AFG2A: variants seen among roughly 807,000 people sequenced by gnomAD.
The protein encoded by AFG2A is AAA ATPase AFG2A, also known as ATPase family gene 2 protein homolog A.
the AFG2A span, among the ~76,000 whole-genome samples, chr4:123,304,532 A>T: frequency 6.6e-6 from 1 of 152,218 alleles, no homozygotes; most frequent in Non-Finnish European, 1.5e-5. Flanking sequence ...CGGCTGCACC[A>T]CAATCATCGC....
At chr4:123,130,515 T>C in the AFG2A span, among the ~76,000 whole-genome samples, 1 of 152,134 alleles carries the variant, frequency 6.6e-6, no homozygotes, top group African/African-American at 2.4e-5. Flanking sequence ...AATGTAATCA[T>C]GCACATGTCA....
At chr4:122,984,616 G>A in the AFG2A span, among the ~76,000 whole-genome samples, 122 of 152,206 alleles carry the variant, frequency 8.0e-4, 4 homozygotes, top group East Asian at 0.02. Flanking sequence ...TTACATTAAG[G>A]TATGTCCCAT....
At chr4:123,261,252 A>C in the AFG2A span, among the ~76,000 whole-genome samples, 2 of 152,138 alleles carry the variant, frequency 1.3e-5, no homozygotes, top group Admixed American at 6.5e-5. Flanking sequence ...TATATTTGAG[A>C]TCTTCTTTGC....
the AFG2A span, among the ~76,000 whole-genome samples, chr4:123,035,760 ATAAC>A: frequency 6.6e-6 from 1 of 152,122 alleles, no homozygotes; most frequent in Non-Finnish European, 1.5e-5. Flanking sequence ...TATTCCATAA[ATAAC>A]ATTTATCTAA....
the AFG2A span, among the ~76,000 whole-genome samples, chr4:123,080,304 C>T: frequency 6.6e-6 from 1 of 152,254 alleles, no homozygotes; most frequent in East Asian, 1.9e-4. Context: ...TCTCTGCCAT[C>T]TGAGGACACA....
the AFG2A span, among the ~76,000 whole-genome samples, chr4:123,193,638 A>G: frequency 6.6e-6 from 1 of 152,238 alleles, no homozygotes; most frequent in Non-Finnish European, 1.5e-5. Flanking sequence ...TTACTGGAGA[A>G]GTTCACTAGG....
the AFG2A span, among the ~76,000 whole-genome samples, chr4:123,092,478 A>C: frequency 6.6e-6 from 1 of 152,212 alleles, no homozygotes; most frequent in Admixed American, 6.5e-5. Context: ...GGCTTACAGT[A>C]AACTTAACTG....
At chr4:123,133,292 A>G in the AFG2A span, among the ~76,000 whole-genome samples, 1 of 152,214 alleles carries the variant, frequency 6.6e-6, no homozygotes, top group African/African-American at 2.4e-5. Flanking sequence ...CAATGACAAC[A>G]TTGGTTACGG....
At chr4:123,181,273 T>C in the AFG2A span, among the ~76,000 whole-genome samples, 66 of 151,654 alleles carry the variant, frequency 4.4e-4, 1 homozygote, top group South Asian at 0.012. Context: ...TGTGAGCCAC[T>C]GCGCCCGGCC....
At chr4:123,082,523 C>T in the AFG2A span, among the ~76,000 whole-genome samples, 102 of 141,258 alleles carry the variant, frequency 7.2e-4, no homozygotes, top group Middle Eastern at 3.5e-3. Flanking sequence ...TCTCTTTTTT[C>T]TTTTTTTTTT....
chr4:122,991,496 T>C, the AFG2A span, among the ~76,000 whole-genome samples: 1 of 152,220 alleles, frequency 6.6e-6, no homozygotes, highest in Non-Finnish European at 1.5e-5. Flanking sequence ...TTGAAGTTTG[T>C]CCACACCCAG....
the AFG2A span, among the ~76,000 whole-genome samples, chr4:123,205,878 A>G: frequency 3.3e-5 from 5 of 152,166 alleles, no homozygotes; most frequent in African/African-American, 9.7e-5. Context: ...TGATTAAAAT[A>G]CCTTTTTAGT....
the AFG2A span, among the ~76,000 whole-genome samples, chr4:123,299,147 G>GTGTGTGTGTC: frequency 6.6e-6 from 1 of 151,726 alleles, no homozygotes; most frequent in Non-Finnish European, 1.5e-5. Flanking sequence ...GTGTGTGTGT[G>GTGTGTGTGTC]TGTGTCTGTG....
the AFG2A span, among the ~76,000 whole-genome samples, chr4:123,181,516 G>A: frequency 6.6e-6 from 1 of 152,274 alleles, no homozygotes; most frequent in African/African-American, 2.4e-5. Flanking sequence ...AGGAGGCTGA[G>A]GTGGGTGGAT....
chr4:123,109,016 C>T, the AFG2A span, among the ~76,000 whole-genome samples: 3 of 152,038 alleles, frequency 2.0e-5, no homozygotes, highest in East Asian at 5.8e-4. Context: ...TTTGCTACTG[C>T]ATTTATAAAC....
the AFG2A span, among the ~76,000 whole-genome samples, chr4:123,063,861 A>T: frequency 0.012 from 1,827 of 152,310 alleles, 41 homozygotes; most frequent in African/African-American, 0.041. Flanking sequence ...CTCATGCTAA[A>T]TCAAATTATT....
chr4:123,004,098 A>G, the AFG2A span, among the ~76,000 whole-genome samples: 1 of 152,178 alleles, frequency 6.6e-6, no homozygotes, highest in South Asian at 2.1e-4. Context: ...CCGTGGGCGT[A>G]GGACCCTCTG....
At chr4:123,021,269 T>TC in the AFG2A span, among the ~76,000 whole-genome samples, 1 of 151,972 alleles carries the variant, frequency 6.6e-6, no homozygotes, top group Non-Finnish European at 1.5e-5. Flanking sequence ...TTTTTTTTTT[T>TC]CTTTTTTTAC....
At chr4:122,954,341 G>A in the AFG2A span, among the ~76,000 whole-genome samples, 3 of 152,300 alleles carry the variant, frequency 2.0e-5, no homozygotes, top group South Asian at 6.2e-4. Flanking sequence ...AGCTCCACTA[G>A]TTCCATAGTG....
Sources: gnomAD v4.1 joint callset for allele counts (sites outside exome capture counted in the v4.1 genomes callset) on GRCh38, gnomAD v4.1.1 for gene constraint, MANE v1.5 for transcripts, NCBI Gene and HGNC (gene_info 2026-07-23, HGNC 2026-07-21) for gene names.